GPR176: variants seen among roughly 807,000 people sequenced by gnomAD.
GPR176 encodes G-protein coupled receptor 176.
In GPR176, 26 loss-of-function variants were observed where a neutral mutation model predicts 35.4. That is an observed-to-expected ratio of 0.74 (90% CI 0.54 to 1.02). The LOEUF (loss-of-function observed/expected upper bound fraction) is 1.02. Ranked by LOEUF, GPR176 falls within the 50% of genes least tolerant of loss-of-function variation. The pLI is 0.00. For missense variants in GPR176, 597 were observed against 665.3 expected, an observed-to-expected ratio of 0.90 and a Z score of 1.13; for synonymous variants, 278 against 271.3, an observed-to-expected ratio of 1.02 and a Z score of -0.24.
At chr15:39,918,341 T>A (rs2033780962) in intron 1 of GPR176, among the ~76,000 whole-genome samples, 1 of 152,192 alleles carries the variant, frequency 6.6e-6, no homozygotes, top group Admixed American at 6.5e-5. Context: ...ATTTTTAGAC[T>A]CAAACCATGA....
At chr15:39,870,759 C>G (rs1036349073) in intron 1 of GPR176, among the ~76,000 whole-genome samples, 8 of 152,066 alleles carry the variant, frequency 5.3e-5, no homozygotes, top group Non-Finnish European at 1.2e-4. Context: ...GACTGAGATT[C>G]TCCTGCTGAC....
chr15:39,807,259 C>T lies in GPR176; in HGVS notation c.173-1G>A. ...GTTGACCATAACACCATGAAGTTTCCTGGTCAGATATGAAAGAAAATAAAA... is the reference window on the plus strand; with the variant it reads ...GTTGACCATAACACCATGAAGTTTCTTGGTCAGATATGAAAGAAAATAAAA... On this transcript the variant is annotated splice_acceptor_variant, in intron 1 of 2. Coordinates refer to ENST00000561100, the MANE Select transcript of GPR176 (RefSeq NM_007223.3). LOFTEE classifies it high-confidence loss of function. 1 of 1,505,844 alleles carries T rather than the reference C, an allele frequency of 6.6e-7. No homozygotes were observed. Among genetic ancestry groups the T allele is most frequent in the Non-Finnish European group, 8.9e-7 (1 of 1,122,780 alleles). The allele number at this position is 1,505,844 out of a possible 1,614,324, so 93.3% of individuals were successfully genotyped here. A position where few individuals can be genotyped will look rare whatever the true frequency, so the allele number is the denominator to read the frequency against.
chr15:39,833,801 T>C (rs544739039), intron 1 of GPR176, among the ~76,000 whole-genome samples: 6 of 152,278 alleles, frequency 3.9e-5, no homozygotes, highest in African/African-American at 1.2e-4. Flanking sequence ...TTTGCTGGGA[T>C]TGCGGTCTCC....
At chr15:39,881,361 A>G (rs1307800297) in intron 1 of GPR176, among the ~76,000 whole-genome samples, 2 of 152,220 alleles carry the variant, frequency 1.3e-5, no homozygotes, top group African/African-American at 4.8e-5. Context: ...GAAACTTCCT[A>G]TTAAAAGGCA....
At chr15:39,894,718 C>T (rs993137652) in intron 1 of GPR176, among the ~76,000 whole-genome samples, 36 of 150,158 alleles carry the variant, frequency 2.4e-4, no homozygotes, top group African/African-American at 7.4e-4. Flanking sequence ...CGGGCGGAGA[C>T]GCTCCTCACT....
At chr15:39,819,730 A>G (rs1595447174) in intron 1 of GPR176, among the ~76,000 whole-genome samples, 1 of 152,236 alleles carries the variant, frequency 6.6e-6, no homozygotes, top group African/African-American at 2.4e-5. Context: ...CCCAGTAACT[A>G]TAATTATGCA....
chr15:39,802,419 G>C (rs1898942424), intron 2 of GPR176, among the ~76,000 whole-genome samples, 165 bp from the exon 3 acceptor site: 1 of 152,206 alleles, frequency 6.6e-6, no homozygotes, highest in Non-Finnish European at 1.5e-5. Flanking sequence ...AAGTTTTGAG[G>C]ACTTTGCAAG....
chr15:39,822,037 T>C (rs1900307986), intron 1 of GPR176, among the ~76,000 whole-genome samples: 1 of 152,228 alleles, frequency 6.6e-6, no homozygotes, highest in Non-Finnish European at 1.5e-5. Context: ...ATGACACGTC[T>C]TGAGGAAACC....
chr15:39,913,872 C>G (rs1432672704), intron 1 of GPR176, among the ~76,000 whole-genome samples: 1 of 152,154 alleles, frequency 6.6e-6, no homozygotes, highest in African/African-American at 2.4e-5. Context: ...CGGTGAAACC[C>G]TGTCTCTACT....
chr15:39,881,514 G>T (rs1410700136), intron 1 of GPR176, among the ~76,000 whole-genome samples: 1 of 152,182 alleles, frequency 6.6e-6, no homozygotes, highest in African/African-American at 2.4e-5. Context: ...ACACTTGAAT[G>T]CAAAACTGAT....
chr15:39,889,695 T>C (rs1780591530), intron 1 of GPR176, among the ~76,000 whole-genome samples: 3 of 151,926 alleles, frequency 2.0e-5, no homozygotes, highest in African/African-American at 4.8e-5. Flanking sequence ...GGAGGTGAAA[T>C]TGCAAGTTTG....
chr15:39,811,986 G>A (rs761030384), intron 1 of GPR176, among the ~76,000 whole-genome samples: 3 of 151,408 alleles, frequency 2.0e-5, no homozygotes, highest in Non-Finnish European at 2.9e-5. Flanking sequence ...TGCTCACAGT[G>A]TGACTGAATA....
intron 1 of GPR176, among the ~76,000 whole-genome samples, chr15:39,917,098 A>G (rs2033745615): frequency 6.6e-6 from 1 of 152,052 alleles, no homozygotes; most frequent in Non-Finnish European, 1.5e-5. Flanking sequence ...CCTGACCAAC[A>G]TGGTGAAACC....
chr15:39,908,727 A>G (rs2033494435), intron 1 of GPR176, among the ~76,000 whole-genome samples: 1 of 152,092 alleles, frequency 6.6e-6, no homozygotes, highest in Non-Finnish European at 1.5e-5. Flanking sequence ...TCTCCTAAGC[A>G]GATACTCCTG....
chr15:39,806,773 C>A (rs1899216312), intron 2 of GPR176, among the ~76,000 whole-genome samples: 1 of 152,184 alleles, frequency 6.6e-6, no homozygotes, highest in Non-Finnish European at 1.5e-5. Context: ...AGCATCCTCA[C>A]CATGGAACTC....
At chr15:39,897,860 A>C (rs888112567) in intron 1 of GPR176, among the ~76,000 whole-genome samples, 3 of 152,184 alleles carry the variant, frequency 2.0e-5, no homozygotes, top group Non-Finnish European at 4.4e-5. Context: ...TCAAGGCCTC[A>C]GTGTCTGCAT....
At chr15:39,822,563 C>A (rs923858745) in intron 1 of GPR176, among the ~76,000 whole-genome samples, 9 of 152,090 alleles carry the variant, frequency 5.9e-5, no homozygotes, top group African/African-American at 2.2e-4. Context: ...TACTGAGCAA[C>A]CACAAAATAA....
At chr15:39,897,859 C>T (rs2033165091) in intron 1 of GPR176, among the ~76,000 whole-genome samples, 1 of 152,194 alleles carries the variant, frequency 6.6e-6, no homozygotes. Flanking sequence ...ATCAAGGCCT[C>T]AGTGTCTGCA....
chr15:39,884,526 G>C (rs2032598466), intron 1 of GPR176, among the ~76,000 whole-genome samples: 1 of 151,872 alleles, frequency 6.6e-6, no homozygotes, highest in Non-Finnish European at 1.5e-5. Context: ...CATTCCAGAA[G>C]AGGGCTGGGG....
Sources: gnomAD v4.1 joint callset for allele counts (sites outside exome capture counted in the v4.1 genomes callset) on GRCh38, gnomAD v4.1.1 for gene constraint, MANE v1.5 for transcripts, NCBI Gene and HGNC (gene_info 2026-07-23, HGNC 2026-07-21) for gene names.